The following STAG1 variants were observed in gnomAD, a reference collection of about 807,000 sequenced individuals.
STAG1 encodes cohesin subunit SA-1.
In STAG1, 26 loss-of-function variants were observed where a neutral mutation model predicts 170.9. The observed-to-expected ratio is 0.15, with a 90% CI of 0.11 to 0.21. The LOEUF (loss-of-function observed/expected upper bound fraction) is 0.21, where lower values mean the gene tolerates loss of function less well. Among genes scored for constraint, STAG1 ranks in the 10% least tolerant of loss-of-function variants. The pLI is 1.00. For missense variants in STAG1, 964 were observed against 1,509.5 expected (o/e 0.64, Z 5.99); for synonymous variants, 514 against 497.7 (o/e 1.03, Z -0.44).
At chr3:136,374,279 A>G (rs533371061) in intron 23 of STAG1, among the ~76,000 whole-genome samples, 4 of 151,512 alleles carry the variant, frequency 2.6e-5, no homozygotes, top group Non-Finnish European at 5.9e-5. Context: ...CACTGTATTT[A>G]TTCAAAAATA....
At chr3:136,388,418 G>A (rs1039440987) in intron 22 of STAG1, among the ~76,000 whole-genome samples, 1 of 152,182 alleles carries the variant, frequency 6.6e-6, no homozygotes, top group Non-Finnish European at 1.5e-5. Flanking sequence ...GCCCAGGCTG[G>A]AGTGCAGTGG....
At chr3:136,723,721 C>A (rs541827022) in intron 1 of STAG1, among the ~76,000 whole-genome samples, 1 of 147,966 alleles carries the variant, frequency 6.8e-6, no homozygotes, top group Non-Finnish European at 1.5e-5. Context: ...TCTGCCTGGC[C>A]GCACCTACTT....
intron 25 of STAG1, among the ~76,000 whole-genome samples, chr3:136,366,729 T>C (rs563275486): frequency 2.8e-4 from 42 of 152,224 alleles, no homozygotes; most frequent in African/African-American, 9.9e-4. Context: ...AGCTAGAAAG[T>C]ATGTTCTTTC....
intron 3 of STAG1, chr3:136,609,741 T>G (rs1448396207): frequency 5.9e-6 from 1 of 169,428 alleles, no homozygotes; most frequent in Non-Finnish European, 1.3e-5. Context: ...CCTACCCACA[T>G]CCCATTTTTA....
chr3:136,352,027 A>G (rs1476567201), intron 28 of STAG1, among the ~76,000 whole-genome samples: 1 of 152,216 alleles, frequency 6.6e-6, no homozygotes, highest in Non-Finnish European at 1.5e-5. Flanking sequence ...CAGATTTTGG[A>G]GTTTGTTCAT....
intron 15 of STAG1, among the ~76,000 whole-genome samples, chr3:136,439,327 C>T (rs921483048): frequency 6.7e-6 from 1 of 150,124 alleles, no homozygotes; most frequent in African/African-American, 2.5e-5. Flanking sequence ...TGACAAGAAC[C>T]AGATCCAAAC....
At chr3:136,589,628 C>CAAAAAAAAAAAAAAAAAAAAAAACA (rs71626007) in intron 4 of STAG1, among the ~76,000 whole-genome samples, 1 of 46,192 alleles carries the variant, frequency 2.2e-5, no homozygotes. Flanking sequence ...CAAAGGGAGC[C>CAAAAAAAAAAAAAAAAAAAAAAACA]AAAAAAAAAA....
chr3:136,396,226 T>TTC (rs2087150391), intron 22 of STAG1, among the ~76,000 whole-genome samples: 2 of 147,038 alleles, frequency 1.4e-5, no homozygotes, highest in African/African-American at 2.5e-5. Flanking sequence ...TTTTTTTTTT[T>TTC]TTTTTTTGAG....
intron 6 of STAG1, among the ~76,000 whole-genome samples, chr3:136,534,584 C>G (rs1289955629): frequency 6.6e-6 from 1 of 151,784 alleles, no homozygotes; most frequent in African/African-American, 2.4e-5. Context: ...AAAAAGTGAG[C>G]AAAGCACATG....
At chr3:136,580,062 G>A (rs1937558807) in intron 4 of STAG1, among the ~76,000 whole-genome samples, 1 of 139,590 alleles carries the variant, frequency 7.2e-6, no homozygotes, top group Non-Finnish European at 1.5e-5. Flanking sequence ...CCACCTCCAA[G>A]GTTCAAGCAA....
intron 9 of STAG1, among the ~76,000 whole-genome samples, chr3:136,478,005 G>A (rs2089800486): frequency 6.6e-6 from 1 of 152,004 alleles, no homozygotes; most frequent in Admixed American, 6.6e-5. Flanking sequence ...GGCCAGGGTG[G>A]TCTTGAACTC....
chr3:136,635,114 T>C (rs1268667711), intron 1 of STAG1, among the ~76,000 whole-genome samples: 1 of 152,192 alleles, frequency 6.6e-6, no homozygotes, highest in Non-Finnish European at 1.5e-5. Flanking sequence ...GGAACTACTT[T>C]CGAATTCATT....
intron 21 of STAG1, among the ~76,000 whole-genome samples, chr3:136,408,204 A>G (rs562962140): frequency 5.0e-4 from 76 of 152,344 alleles, no homozygotes; most frequent in Non-Finnish European, 3.4e-4. Flanking sequence ...ATCCAAGTGT[A>G]TATTTATAAT....
intron 5 of STAG1, among the ~76,000 whole-genome samples, chr3:136,552,135 T>G (rs1176032835): frequency 1.3e-5 from 2 of 152,118 alleles, no homozygotes; most frequent in Non-Finnish European, 2.9e-5. Flanking sequence ...TTCAAAACCA[T>G]GACAATAATA....
At chr3:136,476,418 G>C (rs529913163) in intron 10 of STAG1, among the ~76,000 whole-genome samples, 146 of 152,288 alleles carry the variant, frequency 9.6e-4, no homozygotes, top group African/African-American at 3.1e-3. Context: ...TAACTGAAGG[G>C]CAACCCATAG....
chr3:136,666,525 C>A (rs1466890671), intron 1 of STAG1, among the ~76,000 whole-genome samples: 1 of 152,070 alleles, frequency 6.6e-6, no homozygotes, highest in African/African-American at 2.4e-5. Flanking sequence ...TGATGAATAA[C>A]TGTTTGATAC....
chr3:136,567,946 A>G (rs1264697198), intron 5 of STAG1, among the ~76,000 whole-genome samples: 1 of 152,020 alleles, frequency 6.6e-6, no homozygotes, highest in Non-Finnish European at 1.5e-5. Flanking sequence ...TTTAAAAATT[A>G]CACATACTTT....
At chr3:136,747,911 G>A (rs1319995341) in intron 1 of STAG1, among the ~76,000 whole-genome samples, 2 of 150,984 alleles carry the variant, frequency 1.3e-5, no homozygotes, top group African/African-American at 2.4e-5. Context: ...CCGGTAGCTA[G>A]GACTACAGGT....
chr3:136,677,129 A>G (rs1942150788), intron 1 of STAG1, among the ~76,000 whole-genome samples: 1 of 152,198 alleles, frequency 6.6e-6, no homozygotes. Flanking sequence ...TAAAATAACA[A>G]TTGGAAGTAT....
Sources: allele counts gnomAD v4.1 joint callset (sites outside exome capture counted in the v4.1 genomes callset), GRCh38; gene constraint gnomAD v4.1.1; transcripts MANE v1.5; gene names NCBI Gene and HGNC (gene_info 2026-07-23, HGNC 2026-07-21).